Variants in HPGD observed in about 807,000 individuals in gnomAD.
The protein encoded by HPGD is 15-hydroxyprostaglandin dehydrogenase.
Under a neutral mutation model 30.0 loss-of-function variants are expected in HPGD, and 29 were observed. The ratio of observed to expected loss-of-function variants is 0.97; its 90% CI spans 0.72 to 1.32. HPGD has a LOEUF of 1.32. Among genes scored for constraint, HPGD ranks in the 40% most tolerant of loss-of-function variants. The pLI, the probability that HPGD is intolerant of heterozygous loss-of-function variation, is 0.00. For missense variants in HPGD, 340 were observed against 322.1 expected (o/e 1.06, Z -0.43); for synonymous variants, 99 against 112.4 (o/e 0.88, Z 0.75).
intron 4 of HPGD, chr4:174,507,925 A>C (rs1422873340): frequency 3.7e-6 from 2 of 541,500 alleles, no homozygotes; most frequent in Non-Finnish European, 6.6e-6. Context: ...GCACACAGCT[A>C]GACTGCATTT....
chr4:174,492,344 G>A lies in HPGD; in HGVS notation c.663-250C>T, dbSNP rs931006440. Among the ~76,000 whole-genome samples the A allele has an allele frequency of 3.3e-5, 5 of 151,774 alleles. No individual in the cohort carries two copies. The highest frequency in any genetic ancestry group is 1.2e-4 in the African/African-American group (5 of 41,372). Reference sequence around the variant, plus strand: ...ACTAAATTATTTGATAAATTTAGCTGTAACCTTCCATCATTTTGGCAGGAG... The same window carrying A: ...ACTAAATTATTTGATAAATTTAGCTATAACCTTCCATCATTTTGGCAGGAG... On this transcript the variant is annotated intron_variant, in intron 6 of 6. Coordinates refer to ENST00000296522, the MANE Select transcript of HPGD (RefSeq NM_000860.6). This position sits in a 1 kb window ranked among gnomAD's most constrained non-coding sequence, Gnocchi z 4.9.
At chr4:174,522,319 T>C in intron 1 of HPGD, 40 bp downstream of exon 1, 1 of 1,519,388 alleles carries the variant, frequency 6.6e-7, no homozygotes, top group Non-Finnish European at 8.9e-7. Flanking sequence ...TCTCGGAGTG[T>C]GTGGGCAGAG....
At chr4:174,511,906 A>G (rs1440120692) in intron 3 of HPGD, among the ~76,000 whole-genome samples, 2 of 152,174 alleles carry the variant, frequency 1.3e-5, no homozygotes, top group African/African-American at 2.4e-5. Flanking sequence ...TCGGTCTCCC[A>G]AAGTGCTGGG....
chr4:174,520,471 T>C (rs1184210574), intron 2 of HPGD, among the ~76,000 whole-genome samples: 3 of 152,220 alleles, frequency 2.0e-5, no homozygotes, highest in Non-Finnish European at 2.9e-5. Context: ...GAAGAATCAA[T>C]GTCATGTTTC....
Position 174,494,119 on chromosome 4 carries a change from G to A in HPGD, c.499-805C>T, listed in dbSNP as rs1431844849. Among the ~76,000 whole-genome samples, 1 of 152,110 alleles carries A rather than the reference G, an allele frequency of 6.6e-6. No individual in the cohort carries two copies. The highest frequency in any genetic ancestry group is 2.4e-5 in the African/African-American group (1 of 41,414). On this transcript the variant is annotated intron_variant, in intron 5 of 6. Coordinates refer to ENST00000296522, the MANE Select transcript of HPGD (RefSeq NM_000860.6). This position sits in a 1 kb window ranked among gnomAD's most constrained non-coding sequence, Gnocchi z 4.9. ...ACCCACTGCAGAAGTGCTGTGTAGTGTTCCTTAGTGTAAGAAGACTGATGT... is the reference window on the plus strand; with the variant it reads ...ACCCACTGCAGAAGTGCTGTGTAGTATTCCTTAGTGTAAGAAGACTGATGT...
rs1310726549 is a variant in HPGD at position 174,522,476 on chromosome 4, G to A, written c.-25C>T. The stretch of plus-strand genomic sequence containing the variant: ...TGGTGCAGCCACTGCTGGGGCGGGC[G>A]GTGGGCGAGCTCCGCGTCTCCGCGC... On this transcript the variant is annotated 5_prime_UTR_variant, in exon 1 of 7. Coordinates refer to ENST00000296522, the MANE Select transcript of HPGD (RefSeq NM_000860.6). 2 of 1,525,926 alleles carry A rather than the reference G, an allele frequency of 1.3e-6. No homozygotes were observed. Among genetic ancestry groups the A allele is most frequent in the Non-Finnish European group, 1.8e-6 (2 of 1,130,714 alleles). 94.5% of individuals were successfully genotyped at this position (1,525,926 alleles called of 1,614,324 possible). A position where few individuals can be genotyped will look rare whatever the true frequency, so the allele number is the denominator to read the frequency against.
chr4:174,518,204 C>A, intron 2 of HPGD, 127 bp from the exon 3 acceptor site: 1 of 583,626 alleles, frequency 1.7e-6, no homozygotes. Context: ...AACTCATGGG[C>A]TGAGTGTAAT....
At chr4:174,520,956 T>G (rs1159953863) in intron 2 of HPGD, among the ~76,000 whole-genome samples, 1 of 152,242 alleles carries the variant, frequency 6.6e-6, no homozygotes, top group Admixed American at 6.5e-5. Context: ...CACCACTTCC[T>G]TCTAACACGT....
chr4:174,522,419 G>T lies in HPGD; in HGVS notation c.33C>A (p.Thr11=). Residue 11 remains threonine, a synonymous_variant, in exon 1 of 7, where the codon ACC becomes ACA. Coordinates refer to ENST00000296522, the MANE Select transcript of HPGD (RefSeq NM_000860.6). ...CTCTGCCTATGCCCTGAGCCGCGCCGGTCACCAGCGCCACTTTGCCGTTCA... is the reference window on the plus strand; with the variant it reads ...CTCTGCCTATGCCCTGAGCCGCGCCTGTCACCAGCGCCACTTTGCCGTTCA... MHVNGKVALV[T]GAAQGIGRAF... is the part of the protein sequence containing the mutation. The T allele has an allele frequency of 6.3e-7, 1 of 1,583,416 alleles. No homozygotes were observed. Among genetic ancestry groups the T allele is most frequent in the African/African-American group, 1.3e-5 (1 of 74,522 alleles).
chr4:174,518,155 G>C, intron 2 of HPGD, 78 bp from the exon 3 acceptor site: 1 of 740,760 alleles, frequency 1.3e-6, no homozygotes, highest in Non-Finnish European at 2.4e-6. Context: ...TGCCATGAGA[G>C]GAATTTCAGT....
At chr4:174,505,322 C>A (rs1007279698) in intron 4 of HPGD, among the ~76,000 whole-genome samples, 2 of 152,024 alleles carry the variant, frequency 1.3e-5, no homozygotes, top group Admixed American at 6.6e-5. Context: ...TTACCCACAG[C>A]CATTCCTTCA....
intron 4 of HPGD, among the ~76,000 whole-genome samples, chr4:174,499,202 T>C (rs1017156321): frequency 2.6e-5 from 4 of 152,120 alleles, no homozygotes; most frequent in Admixed American, 2.6e-4. Context: ...ATTTACAAGG[T>C]AGTTGGTGTA....
intron 5 of HPGD, among the ~76,000 whole-genome samples, chr4:174,493,903 C>T (rs879871388): frequency 1.3e-5 from 2 of 152,092 alleles, no homozygotes; most frequent in Non-Finnish European, 1.5e-5. Flanking sequence ...CTAAAATTTA[C>T]TTGTAACCCT....
At chr4:174,522,528 C>G (rs1736214199), upstream of HPGD, 24 of 1,137,742 alleles carry the variant, frequency 2.1e-5, no homozygotes, top group Non-Finnish European at 2.7e-5. Context: ...CCCCCCTGCG[C>G]GCGCGCGCGT....
chr4:174,503,715 T>C (rs1042493085), intron 4 of HPGD, among the ~76,000 whole-genome samples: 1 of 144,476 alleles, frequency 6.9e-6, no homozygotes, highest in Non-Finnish European at 1.5e-5. Flanking sequence ...TTCTGGGTTT[T>C]TTGATTTTTT....
chr4:174,518,194 A>C (rs1359006898), intron 2 of HPGD, 117 bp from the exon 3 acceptor site: 6 of 621,866 alleles, frequency 9.6e-6, no homozygotes, highest in Non-Finnish European at 5.8e-6. Context: ...AAAGTTACTA[A>C]ACTCATGGGC....
intron 3 of HPGD, among the ~76,000 whole-genome samples, chr4:174,510,625 A>G (rs1735438895): frequency 6.6e-6 from 1 of 152,184 alleles, no homozygotes; most frequent in Non-Finnish European, 1.5e-5. Context: ...TTGGTGGAGA[A>G]AGGCAAGGGA....
In HPGD at chr4:174,492,693, A is replaced by G. The variant is rs1333690913; in HGVS notation, c.662+458T>C. 6.6e-6 allele frequency among the ~76,000 whole-genome samples: 1 copy of G among 152,086 alleles called. No individual in the cohort carries two copies. Among genetic ancestry groups the G allele is most frequent in the Non-Finnish European group, 1.5e-5 (1 of 67,936 alleles). On this transcript the variant is annotated intron_variant, in intron 6 of 6. Transcript: ENST00000296522. This position sits in a 1 kb window ranked among gnomAD's most constrained non-coding sequence, Gnocchi z 4.9. ...TTTGATCTCAGGTCTGATTCCTTCAACATGATAACTATGATTCATGAAATC... is the reference window on the plus strand; with the variant it reads ...TTTGATCTCAGGTCTGATTCCTTCAGCATGATAACTATGATTCATGAAATC...
At chr4:174,521,079 C>G (rs763229350) in intron 2 of HPGD, among the ~76,000 whole-genome samples, 1 of 152,032 alleles carries the variant, frequency 6.6e-6, no homozygotes, top group Non-Finnish European at 1.5e-5. Context: ...TTTTCAGACC[C>G]CTTGATTAAA....
Sources: gnomAD v4.1 joint callset for allele counts (sites outside exome capture counted in the v4.1 genomes callset) on GRCh38, gnomAD v4.1.1 for gene constraint, Gnocchi (gnomAD v3.1) non-coding constraint, MANE v1.5 for transcripts, NCBI Gene and HGNC (gene_info 2026-07-23, HGNC 2026-07-21) for gene names.